The following SLC44A5 variants were observed in gnomAD, a reference collection of about 807,000 sequenced individuals.
SLC44A5 encodes solute carrier family 44 member 5, also known as choline transporter-like protein 5.
Under a neutral mutation model 101.8 loss-of-function variants are expected in SLC44A5, and 57 were observed. The ratio of observed to expected loss-of-function variants is 0.56; its 90% CI spans 0.45 to 0.70. The LOEUF is 0.70. Ranked by LOEUF, SLC44A5 falls within the 30% of genes least tolerant of loss-of-function variation. SLC44A5 has a pLI of 0.00. For missense variants in SLC44A5, 737 were observed against 853.1 expected (o/e 0.86, Z 1.70); for synonymous variants, 281 against 290.9 (o/e 0.97, Z 0.35).
intron 3 of SLC44A5, among the ~76,000 whole-genome samples, chr1:75,342,105 T>C (rs1358842413): frequency 6.6e-6 from 1 of 152,196 alleles, no homozygotes; most frequent in Non-Finnish European, 1.5e-5. Context: ...CAGGTCATCA[T>C]GATGTGTATG....
At chr1:75,392,221 G>A (rs780111198) in intron 3 of SLC44A5, among the ~76,000 whole-genome samples, 2 of 151,814 alleles carry the variant, frequency 1.3e-5, no homozygotes, top group South Asian at 2.1e-4. Flanking sequence ...ACTATCAACA[G>A]GTAAAGAGAC....
At chr1:75,283,533 A>T (rs1343558738) in intron 5 of SLC44A5, among the ~76,000 whole-genome samples, 1 of 151,828 alleles carries the variant, frequency 6.6e-6, no homozygotes, top group Non-Finnish European at 1.5e-5. Flanking sequence ...TTTTTTTGTC[A>T]CATTTGCTTG....
At chr1:75,639,567 T>G in the SLC44A5 span, among the ~76,000 whole-genome samples, 1 of 152,034 alleles carries the variant, frequency 6.6e-6, no homozygotes. Flanking sequence ...CCTAAGAAAG[T>G]TTTTCATCCA....
In SLC44A5 at chr1:75,203,604, G is replaced by GTTTTATATAAAA; in HGVS notation, c.*122_*123insTTTTATATAAAA. On this transcript the variant is annotated 3_prime_UTR_variant, in exon 24 of 24. Transcript: ENST00000370859. ...AAGCTTTGGTATAAAACATGCAAAT[G>GTTTTATATAAAA]CAAGCCAACAAGGTCGTGAATACAG... 3 of 1,210,492 alleles carry GTTTTATATAAAA rather than the reference G, an allele frequency of 2.5e-6. No individual in the cohort carries two copies. The highest frequency in any genetic ancestry group is 3.3e-6 in the Non-Finnish European group (3 of 898,838). 75.0% of individuals were successfully genotyped at this position (1,210,492 alleles called of 1,614,324 possible). A position where few individuals can be genotyped will look rare whatever the true frequency, so the allele number is the denominator to read the frequency against.
chr1:75,241,974 T>G, intron 9 of SLC44A5, 27 bp downstream of exon 9: 7 of 1,590,296 alleles, frequency 4.4e-6, no homozygotes, highest in Non-Finnish European at 6.0e-6. Flanking sequence ...GATCCTATGT[T>G]TCTAAGGTAA....
the SLC44A5 span, among the ~76,000 whole-genome samples, chr1:75,617,519 G>A: frequency 6.6e-6 from 1 of 152,154 alleles, no homozygotes; most frequent in Non-Finnish European, 1.5e-5. Flanking sequence ...TGAGATATTA[G>A]TGACAAAATC....
At position 75,421,847 on chromosome 1, in the gene SLC44A5, C is replaced by T. The variant is rs149948252; in HGVS notation, c.14-25226G>A. 2.1e-3 allele frequency among the ~76,000 whole-genome samples: 321 copies of T among 150,876 alleles called. 1 individual carries two copies. The highest frequency in any genetic ancestry group is 7.2e-3 in the African/African-American group (294 of 41,018). On this transcript the variant is annotated intron_variant, in intron 2 of 23. Transcript: ENST00000370859. ...GGTGAAAATTTTATTCACCAGAAAT[C>T]TTTAGAAGAAATCTGTTACTTTTTT...
chr1:75,612,148 G>A (rs1384107265), upstream of SLC44A5, among the ~76,000 whole-genome samples: 1 of 152,044 alleles, frequency 6.6e-6, no homozygotes, highest in Non-Finnish European at 1.5e-5. Flanking sequence ...AGAAAATAAC[G>A]TGAGTATAAC....
intron 12 of SLC44A5, among the ~76,000 whole-genome samples, chr1:75,229,762 C>T (rs952350889): frequency 6.6e-6 from 1 of 152,188 alleles, no homozygotes; most frequent in African/African-American, 2.4e-5. Context: ...TACTGTTGTA[C>T]ATCAAGAGTC....
intron 2 of SLC44A5, among the ~76,000 whole-genome samples, chr1:75,398,832 T>C (rs1229151787): frequency 6.6e-6 from 1 of 152,128 alleles, no homozygotes; most frequent in Non-Finnish European, 1.5e-5. Context: ...TAGGCTGCCT[T>C]CTGGTGTCTG....
At chr1:75,578,045 A>G (rs933910837) in intron 1 of SLC44A5, among the ~76,000 whole-genome samples, 3 of 152,102 alleles carry the variant, frequency 2.0e-5, no homozygotes, top group Non-Finnish European at 4.4e-5. Flanking sequence ...CATGACTATC[A>G]AGCTCCAAAG....
At chr1:75,467,559 G>T (rs866329653) in intron 2 of SLC44A5, among the ~76,000 whole-genome samples, 1 of 152,026 alleles carries the variant, frequency 6.6e-6, no homozygotes, top group Non-Finnish European at 1.5e-5. Context: ...TTCAATAAAG[G>T]TGCCAAGAAC....
At chr1:75,461,404 G>C (rs577551457) in intron 2 of SLC44A5, among the ~76,000 whole-genome samples, 1 of 152,170 alleles carries the variant, frequency 6.6e-6, no homozygotes, top group South Asian at 2.1e-4. Flanking sequence ...AAAATCCAAA[G>C]AGGTAAATAA....
At chr1:75,426,936 C>G (rs1664346922) in intron 2 of SLC44A5, among the ~76,000 whole-genome samples, 1 of 152,230 alleles carries the variant, frequency 6.6e-6, no homozygotes, top group Non-Finnish European at 1.5e-5. Flanking sequence ...TGCAGCGGCG[C>G]TTCGCCAGAT....
chr1:75,675,006 A>C, the SLC44A5 span, among the ~76,000 whole-genome samples: 1 of 152,176 alleles, frequency 6.6e-6, no homozygotes, highest in South Asian at 2.1e-4. Context: ...CTCTTTGGTT[A>C]CTGTAGAGCC....
At chr1:75,517,333 G>C (rs1669890998) in intron 2 of SLC44A5, among the ~76,000 whole-genome samples, 1 of 152,070 alleles carries the variant, frequency 6.6e-6, no homozygotes, top group Non-Finnish European at 1.5e-5. Context: ...GAGAGAAAGA[G>C]AGGCAGCAGA....
chr1:75,429,699 A>G (rs1664503342), intron 2 of SLC44A5, among the ~76,000 whole-genome samples: 1 of 152,170 alleles, frequency 6.6e-6, no homozygotes. Context: ...CATGTGTCAC[A>G]TGGCAAGAGA....
At chr1:75,593,035 A>G (rs1339377335) in intron 1 of SLC44A5, among the ~76,000 whole-genome samples, 1 of 152,166 alleles carries the variant, frequency 6.6e-6, no homozygotes, top group East Asian at 1.9e-4. Flanking sequence ...AAAGGATACA[A>G]TCAACAAAGT....
chr1:75,234,342 G>C (rs1031237928), intron 11 of SLC44A5, among the ~76,000 whole-genome samples: 3 of 152,060 alleles, frequency 2.0e-5, no homozygotes, highest in African/African-American at 7.2e-5. Flanking sequence ...GTAAACTGAA[G>C]TCTAGTATCA....
Sources: allele counts gnomAD v4.1 joint callset (sites outside exome capture counted in the v4.1 genomes callset), GRCh38; gene constraint gnomAD v4.1.1; transcripts MANE v1.5; gene names NCBI Gene and HGNC (gene_info 2026-07-23, HGNC 2026-07-21).